Variants in ARAP2 observed in about 807,000 individuals in gnomAD.
ARAP2 encodes ArfGAP with RhoGAP domain, ankyrin repeat and PH domain 2.
A neutral mutation model predicts 194.5 loss-of-function variants in ARAP2; 148 were observed. The observed-to-expected ratio is 0.76, with a 90% CI of 0.67 to 0.87. The LOEUF (loss-of-function observed/expected upper bound fraction) is 0.87. Ranked by LOEUF, ARAP2 falls within the 40% of genes least tolerant of loss-of-function variation. ARAP2 has a pLI of 0.00. For synonymous variants in ARAP2, 695 were observed against 683.5 expected, an observed-to-expected ratio of 1.02 and a Z score of -0.26; for missense variants, 2,128 against 1,989.7, an observed-to-expected ratio of 1.07 and a Z score of -1.32.
chr4:36,040,018 T>C (rs1054042937), intron 5 of ARAP2, among the ~76,000 whole-genome samples: 5 of 152,168 alleles, frequency 3.3e-5, no homozygotes, highest in Admixed American at 2.0e-4. Context: ...TGTAGACTCA[T>C]AGCTAGAGGG....
chr4:36,055,222 A>G (rs1560330528), intron 2 of ARAP2, among the ~76,000 whole-genome samples: 2 of 152,200 alleles, frequency 1.3e-5, no homozygotes, highest in East Asian at 1.9e-4. Flanking sequence ...TAAGGCCCTG[A>G]TAGGAAACCT....
intron 2 of ARAP2, among the ~76,000 whole-genome samples, chr4:36,057,740 AT>A (rs768300400): frequency 6.6e-6 from 1 of 151,658 alleles, no homozygotes; most frequent in East Asian, 1.9e-4. Context: ...TATTTTCTGT[AT>A]TTTTTGTCTA....
chr4:36,024,629 A>T (rs1717586457), intron 5 of ARAP2, among the ~76,000 whole-genome samples: 1 of 152,098 alleles, frequency 6.6e-6, no homozygotes, highest in African/African-American at 2.4e-5. Context: ...CTACCACTCA[A>T]CTCTAAAATA....
chr4:36,041,817 T>C (rs1308234571), intron 5 of ARAP2, among the ~76,000 whole-genome samples: 1 of 152,176 alleles, frequency 6.6e-6, no homozygotes, highest in Non-Finnish European at 1.5e-5. Context: ...ATGAGGTACA[T>C]ATACACCATG....
intron 6 of ARAP2, among the ~76,000 whole-genome samples, chr4:36,207,284 G>C (rs574934696): frequency 6.6e-6 from 1 of 152,314 alleles, no homozygotes; most frequent in African/African-American, 2.4e-5. Context: ...TCAAAACCCA[G>C]TGAGAGGTTT....
In ARAP2 at chr4:36,014,223, T is replaced by C. The variant is rs568919716; in HGVS notation, n.1056+1163A>G. Among the ~76,000 whole-genome samples the C allele has an allele frequency of 1.2e-4, 7 of 58,320 alleles. No homozygotes were observed. The South Asian group carries it at 3.0e-3, about 25-fold the overall frequency. The allele number at this position is 58,320 out of a possible 152,430, so 38.3% of individuals were successfully genotyped here. On this transcript the variant is annotated intron_variant and non_coding_transcript_variant, in intron 8 of 12. Transcript: ENST00000503225. ...GCCTAGGTGACAAAGTGAGACCCTA[T>C]CGAAAGAAAGAAAGAAAGAAAGAAA...
intron 27 of ARAP2, among the ~76,000 whole-genome samples, chr4:36,099,970 C>T (rs186645399): frequency 6.6e-6 from 1 of 152,140 alleles, no homozygotes; most frequent in African/African-American, 2.4e-5. Flanking sequence ...AGTCTGATGA[C>T]TTATAGATTT....
At chr4:36,022,686 T>C (rs982644395) in intron 5 of ARAP2, among the ~76,000 whole-genome samples, 1 of 152,032 alleles carries the variant, frequency 6.6e-6, no homozygotes. Flanking sequence ...GAGTGCATGA[T>C]AGAGAAGTGG....
chr4:36,199,265 C>T (rs981672122), intron 6 of ARAP2, among the ~76,000 whole-genome samples: 2 of 152,210 alleles, frequency 1.3e-5, no homozygotes, highest in African/African-American at 2.4e-5. Context: ...CATTAATTTC[C>T]ATGTAATTTC....
chr4:36,065,786 C>A (rs1252247743), downstream of ARAP2: 36 of 152,576 alleles, frequency 2.4e-4, no homozygotes, highest in Non-Finnish European at 1.0e-4. Context: ...AGCTTCTCGT[C>A]AATACAGGCC....
chr4:36,213,891 A>G (rs1381093652), intron 3 of ARAP2, among the ~76,000 whole-genome samples: 3 of 152,128 alleles, frequency 2.0e-5, no homozygotes, highest in Non-Finnish European at 2.9e-5. Flanking sequence ...CAAAAAAAGA[A>G]TTCTCAATAT....
At chr4:36,111,318 A>C (rs1719928394) in intron 26 of ARAP2, among the ~76,000 whole-genome samples, 1 of 151,838 alleles carries the variant, frequency 6.6e-6, no homozygotes, top group South Asian at 2.1e-4. Flanking sequence ...GTTACTAGAT[A>C]TAAAGCCTTC....
chr4:36,067,897 A>G lies in ARAP2; in HGVS notation c.*10T>C, dbSNP rs1483843242. The G allele has an allele frequency of 6.4e-7, 1 of 1,557,116 alleles. No homozygotes were observed. Among genetic ancestry groups the G allele is most frequent in the Non-Finnish European group, 8.7e-7 (1 of 1,151,046 alleles). The stretch of plus-strand genomic sequence containing the variant: ...AAAAAAATAATCTGGGGAGCAATTC[A>G]TTTTATTTCCTACTTCAAAATCTGC... On this transcript the variant is annotated 3_prime_UTR_variant, in exon 33 of 33. Coordinates refer to ENST00000303965, the MANE Select transcript of ARAP2 (RefSeq NM_015230.4).
At chr4:36,124,354 G>A (rs966835519) in intron 22 of ARAP2, among the ~76,000 whole-genome samples, 4 of 151,438 alleles carry the variant, frequency 2.6e-5, no homozygotes, top group African/African-American at 9.7e-5. Flanking sequence ...ATTTTCAAAT[G>A]TCCTCATCCT....
chr4:36,166,064 T>A (rs896281549), intron 10 of ARAP2, among the ~76,000 whole-genome samples: 4 of 152,152 alleles, frequency 2.6e-5, no homozygotes, highest in Admixed American at 2.6e-4. Flanking sequence ...TTGGCTAGAA[T>A]CTGCAAATGT....
chr4:36,032,358 A>G (rs1170029215), intron 5 of ARAP2, among the ~76,000 whole-genome samples: 3 of 152,234 alleles, frequency 2.0e-5, no homozygotes, highest in Admixed American at 2.0e-4. Context: ...TGTTTTGTCA[A>G]TGAGGGAGTG....
chr4:36,123,984 A>G (rs1723287243), intron 22 of ARAP2, among the ~76,000 whole-genome samples: 1 of 151,832 alleles, frequency 6.6e-6, no homozygotes, highest in South Asian at 2.1e-4. Flanking sequence ...AAAATTCTCT[A>G]TATTAAAGTT....
At chr4:36,153,662 G>C (rs1731544282) in intron 15 of ARAP2, among the ~76,000 whole-genome samples, 1 of 152,180 alleles carries the variant, frequency 6.6e-6, no homozygotes, top group African/African-American at 2.4e-5. Context: ...CCCCAGAGGT[G>C]ACCCACTGAA....
At chr4:36,200,534 T>C (rs998439807) in intron 6 of ARAP2, among the ~76,000 whole-genome samples, 1 of 152,154 alleles carries the variant, frequency 6.6e-6, no homozygotes, top group Non-Finnish European at 1.5e-5. Flanking sequence ...GGATTACAAG[T>C]GTGAGCCACC....
Sources: allele counts gnomAD v4.1 joint callset (sites outside exome capture counted in the v4.1 genomes callset), GRCh38; gene constraint gnomAD v4.1.1; transcripts MANE v1.5; gene names NCBI Gene and HGNC (gene_info 2026-07-23, HGNC 2026-07-21).